Variants in CSMD1 observed in about 807,000 individuals in gnomAD.
CSMD1 encodes CUB and sushi domain-containing protein 1.
Under a neutral mutation model 417.5 loss-of-function variants are expected in CSMD1, and 213 were observed. The ratio of observed to expected loss-of-function variants is 0.51; its 90% CI spans 0.46 to 0.57. The LOEUF (loss-of-function observed/expected upper bound fraction) is 0.57. CSMD1 is among the 20% of genes least tolerant of loss of function. CSMD1 has a pLI of 0.00. For synonymous variants in CSMD1, 2,862 were observed against 1,736.8 expected, an observed-to-expected ratio of 1.65 and a Z score of -16.11; for missense variants, 6,923 against 4,529.7, an observed-to-expected ratio of 1.53 and a Z score of -15.17.
At chr8:4,309,844 G>T (rs1010146273) in intron 3 of CSMD1, among the ~76,000 whole-genome samples, 1 of 152,020 alleles carries the variant, frequency 6.6e-6, no homozygotes, top group East Asian at 1.9e-4. Flanking sequence ...AGCTGTCTGA[G>T]TATTTTCTCT....
intron 7 of CSMD1, among the ~76,000 whole-genome samples, chr8:3,693,614 A>G (rs1194088634): frequency 6.6e-6 from 1 of 152,202 alleles, no homozygotes; most frequent in Non-Finnish European, 1.5e-5. Context: ...TCCATGAGAG[A>G]GACAATAAAC....
intron 5 of CSMD1, among the ~76,000 whole-genome samples, chr8:3,804,764 C>A (rs1585024643): frequency 6.6e-6 from 1 of 152,292 alleles, no homozygotes; most frequent in East Asian, 1.9e-4. Context: ...TTTAATTTTA[C>A]AGTAGCTGAG....
intron 59 of CSMD1, among the ~76,000 whole-genome samples, 166 bp from the exon 60 acceptor site, chr8:2,963,561 C>T (rs2128927174): frequency 6.6e-6 from 1 of 152,100 alleles, no homozygotes; most frequent in African/African-American, 2.4e-5. Context: ...ATCAAAATAA[C>T]AAAATATTTT....
intron 1 of CSMD1, among the ~76,000 whole-genome samples, chr8:4,871,029 G>C (rs1323104838): frequency 6.6e-6 from 1 of 152,104 alleles, no homozygotes; most frequent in Non-Finnish European, 1.5e-5. Context: ...GCTCACCCTG[G>C]GGAGCTGGGA....
In CSMD1 at chr8:3,674,692, G is replaced by C. The variant is rs115115590; in HGVS notation, c.1009+33722C>G. The stretch of plus-strand genomic sequence containing the variant: ...TCTAGCCATATAACCAGCAGAGGCA[G>C]AGAATGAGATGAGAGCCCCAGTCTT... On this transcript the variant is annotated intron_variant, in intron 7 of 69. Transcript: ENST00000635120. 8.1e-3 allele frequency among the ~76,000 whole-genome samples: 1,232 copies of C among 152,196 alleles called. 14 individuals carry two copies. Among genetic ancestry groups the C allele is most frequent in the African/African-American group, 0.028 (1,164 of 41,540 alleles).
intron 18 of CSMD1, among the ~76,000 whole-genome samples, chr8:3,370,751 G>A (rs1007524178): frequency 1.3e-5 from 2 of 152,158 alleles, no homozygotes; most frequent in Non-Finnish European, 2.9e-5. Context: ...GAGGCAGGTG[G>A]ATCACCTGAG....
intron 7 of CSMD1, among the ~76,000 whole-genome samples, chr8:3,675,817 G>C (rs1337771280): frequency 6.6e-6 from 1 of 152,186 alleles, no homozygotes; most frequent in Non-Finnish European, 1.5e-5. Flanking sequence ...ATAGCAGCCA[G>C]AGTTGACTAA....
intron 1 of CSMD1, among the ~76,000 whole-genome samples, chr8:4,809,618 A>C (rs976764773): frequency 6.6e-6 from 1 of 152,218 alleles, no homozygotes; most frequent in African/African-American, 2.4e-5. Flanking sequence ...TCTCCAGTAG[A>C]AATAATATGC....
chr8:4,140,964 T>C (rs1803754578), intron 3 of CSMD1, among the ~76,000 whole-genome samples: 1 of 151,138 alleles, frequency 6.6e-6, no homozygotes, highest in Non-Finnish European at 1.5e-5. Context: ...CGTATCTCAA[T>C]AAATGGGAAG....
chr8:3,440,065 T>A (rs1174078572), intron 12 of CSMD1, among the ~76,000 whole-genome samples: 6 of 152,208 alleles, frequency 3.9e-5, no homozygotes, highest in African/African-American at 1.4e-4. Context: ...AGCTATATAA[T>A]ATGCAGTGAA....
At chr8:4,372,710 G>C (rs1802468826) in intron 3 of CSMD1, among the ~76,000 whole-genome samples, 1 of 149,838 alleles carries the variant, frequency 6.7e-6, no homozygotes, top group East Asian at 2.0e-4. Flanking sequence ...AACTGAAAGA[G>C]TTCTCACTGT....
At chr8:4,754,324 C>T (rs1048756646) in intron 1 of CSMD1, among the ~76,000 whole-genome samples, 22 of 152,186 alleles carry the variant, frequency 1.4e-4, no homozygotes, top group African/African-American at 4.8e-4. Flanking sequence ...ATTTGACCAA[C>T]ATTCAACTTG....
intron 1 of CSMD1, among the ~76,000 whole-genome samples, chr8:4,762,103 T>C (rs1241758890): frequency 1.3e-5 from 2 of 152,150 alleles, no homozygotes; most frequent in East Asian, 1.9e-4. Context: ...TTAAACTCAA[T>C]TTCCCCTATA....
chr8:4,135,749 CT>C (rs1409322731), intron 3 of CSMD1, among the ~76,000 whole-genome samples: 1 of 151,882 alleles, frequency 6.6e-6, no homozygotes, highest in Non-Finnish European at 1.5e-5. Flanking sequence ...TAAAGAATTG[CT>C]GTGTAAACTA....
chr8:4,011,275 G>A (rs1235129881), intron 4 of CSMD1, among the ~76,000 whole-genome samples: 5 of 152,012 alleles, frequency 3.3e-5, no homozygotes, highest in Admixed American at 3.3e-4. Context: ...CTTTCAAAAC[G>A]ACTATTTGTG....
intron 8 of CSMD1, among the ~76,000 whole-genome samples, chr8:3,611,455 C>A (rs944152718): frequency 6.6e-6 from 1 of 152,020 alleles, no homozygotes; most frequent in Non-Finnish European, 1.5e-5. Flanking sequence ...GAACGATAGA[C>A]CAACTATCAC....
intron 1 of CSMD1, among the ~76,000 whole-genome samples, chr8:4,733,728 G>C (rs943830557): frequency 2.6e-5 from 4 of 152,116 alleles, no homozygotes; most frequent in African/African-American, 9.7e-5. Context: ...GAAGTATGTA[G>C]GAACCCATGA....
chr8:3,988,092 T>C (rs933034753), intron 5 of CSMD1, among the ~76,000 whole-genome samples: 1 of 152,226 alleles, frequency 6.6e-6, no homozygotes, highest in Non-Finnish European at 1.5e-5. Context: ...TGAAATATTG[T>C]GATTTTTTTA....
At chr8:3,999,923 C>T (rs961853982) in intron 4 of CSMD1, among the ~76,000 whole-genome samples, 2 of 152,120 alleles carry the variant, frequency 1.3e-5, no homozygotes, top group African/African-American at 4.8e-5. Flanking sequence ...TTTTTTAGAT[C>T]CCAAATTTAT....
Sources: allele counts gnomAD v4.1 joint callset (sites outside exome capture counted in the v4.1 genomes callset), GRCh38; gene constraint gnomAD v4.1.1; transcripts MANE v1.5; gene names NCBI Gene and HGNC (gene_info 2026-07-23, HGNC 2026-07-21).